The following NCOR2 variants were observed in gnomAD, a reference collection of about 807,000 sequenced individuals.
The protein encoded by NCOR2 is nuclear receptor corepressor 2, also known as CTG repeat protein 26.
A neutral mutation model predicts 262.9 loss-of-function variants in NCOR2; 81 were observed. The observed-to-expected ratio is 0.31, with a 90% confidence interval of 0.26 to 0.37. The LOEUF (loss-of-function observed/expected upper bound fraction) is 0.37, where lower values mean the gene tolerates loss of function less well. NCOR2 is among the 10% of genes least tolerant of loss of function. The pLI is 1.00. For synonymous variants in NCOR2, 1,659 were observed against 1,559.3 expected (o/e 1.06, Z -1.51); for missense variants, 3,385 against 3,621.4 (o/e 0.93, Z 1.68).
chr12:124,344,979 C>G (rs1209541039), intron 31 of NCOR2, 28 bp from the exon 34 acceptor site: 5 of 1,498,846 alleles, frequency 3.3e-6, no homozygotes, highest in Non-Finnish European at 4.5e-6. Context: ...TAAGCTCTAG[C>G]CCTGGCCACA....
intron 37 of NCOR2, 29 bp downstream of exon 39, chr12:124,339,977 G>A (rs766409228): frequency 1.6e-5 from 20 of 1,229,484 alleles, no homozygotes; most frequent in Non-Finnish European, 1.7e-5. Flanking sequence ...CCACCTGCCC[G>A]CCCCCTCCCC....
In NCOR2 at chr12:124,530,581, C is replaced by A. The variant is rs530975931; in HGVS notation, c.-118+4984G>T. Reference sequence around the variant, plus strand: ...ATCAGTCTGCTGGTTCCTAAACTGGCCCTCAAGTTTCCCAAAGTCCCCTGA... The same window carrying A: ...ATCAGTCTGCTGGTTCCTAAACTGGACCTCAAGTTTCCCAAAGTCCCCTGA... On this transcript the variant is annotated intron_variant, in intron 1 of 46. Transcript: ENST00000404621. Among the ~76,000 whole-genome samples the A allele has an allele frequency of 3.2e-4, 48 of 152,284 alleles. 1 individual carries two copies. In the South Asian group the frequency reaches 8.7e-3, roughly 28 times the overall value.
At chr12:124,384,509 G>A (rs962758364) in intron 17 of NCOR2, among the ~76,000 whole-genome samples, 2 of 152,124 alleles carry the variant, frequency 1.3e-5, no homozygotes, top group East Asian at 1.9e-4. Flanking sequence ...CCACAGGGCC[G>A]TGGGACCGTG....
chr12:124,401,295 G>A (rs1189871117), intron 14 of NCOR2, among the ~76,000 whole-genome samples: 1 of 152,178 alleles, frequency 6.6e-6, no homozygotes, highest in Non-Finnish European at 1.5e-5. Context: ...TGGACAGGTA[G>A]TTAATTGGCT....
chr12:124,357,109 C>G (rs2038013508), intron 22 of NCOR2, among the ~76,000 whole-genome samples: 1 of 152,240 alleles, frequency 6.6e-6, no homozygotes, highest in South Asian at 2.1e-4. Flanking sequence ...GGACAGGCCT[C>G]TAAGCCAGGA....
intron 1 of NCOR2, among the ~76,000 whole-genome samples, chr12:124,512,029 C>T (rs1197531474): frequency 6.6e-6 from 1 of 152,188 alleles, no homozygotes; most frequent in Non-Finnish European, 1.5e-5. Flanking sequence ...TCAATTGATC[C>T]TCCTGCCTCA....
chr12:124,558,105 A>C (rs528368339), intron 1 of NCOR2, among the ~76,000 whole-genome samples: 1 of 152,002 alleles, frequency 6.6e-6, no homozygotes, highest in East Asian at 1.9e-4. Context: ...ACTGGGGCCC[A>C]TGCTCCCTGA....
chr12:124,363,857 G>A, intron 20 of NCOR2, 58 bp from the exon 23 acceptor site: 1 of 1,297,590 alleles, frequency 7.7e-7, no homozygotes, highest in South Asian at 2.8e-5. Flanking sequence ...CCCAGGGTGG[G>A]GGGGCTGCCC....
chr12:124,350,474 T>A, intron 28 of NCOR2, 113 bp downstream of exon 30: 2 of 1,385,352 alleles, frequency 1.4e-6, no homozygotes, highest in East Asian at 4.6e-5. Context: ...GGTCACCACC[T>A]ATCAGATTGT....
In NCOR2 at chr12:124,378,188, A is replaced by G. The variant is rs774065065; in HGVS notation, c.2167+49T>C. The G allele has an allele frequency of 1.6e-5, 26 of 1,594,692 alleles. No homozygotes were observed. Among genetic ancestry groups the G allele is most frequent in the Non-Finnish European group, 1.8e-5 (21 of 1,168,868 alleles). ...CAGTTCCCGCTATGCCCTCCCTCAG[A>G]GCTCGGACCCACAGCTGCCAGCCAC... is the stretch of plus-strand genomic sequence containing the variant. On this transcript the variant is annotated intron_variant, in intron 18 of 46. Transcript: ENST00000405201. The surrounding 1 kb of genome is among the most constrained non-coding windows in gnomAD (Gnocchi z 4.2).
Position 124,517,768 on chromosome 12 carries a change from G to A in NCOR2, c.-118+17797C>T, listed in dbSNP as rs1183419420. On this transcript the variant is annotated intron_variant, in intron 1 of 46. Transcript: ENST00000404621. This position sits in a 1 kb window ranked among gnomAD's most constrained non-coding sequence, Gnocchi z 7.6. ...CCCTCCCACGCGGGCCGGCCAAGAA[G>A]CCTCACCCCGGCCTGCCCGGCCAGC... is the stretch of plus-strand genomic sequence containing the variant. 6.6e-6 allele frequency among the ~76,000 whole-genome samples: 1 copy of A among 152,202 alleles called. No individual in the cohort carries two copies. Among genetic ancestry groups the A allele is most frequent in the Non-Finnish European group, 1.5e-5 (1 of 68,026 alleles).
intron 1 of NCOR2, chr12:124,556,358 C>G (rs569884454): frequency 5.7e-4 from 87 of 152,508 alleles, no homozygotes; most frequent in Admixed American, 6.5e-4. Flanking sequence ...GAGCCCAACA[C>G]TCAACACATC....
rs565816735 is a variant in NCOR2 at position 124,544,512 on chromosome 12, C to T, written c.-164-8901G>A. ...AAGAGATGGTGAAAGAGATTTGTCA[C>T]GAGGGCCTGGGGATATTCAGGGTGG... On this transcript the variant is annotated intron_variant, in intron 1 of 32. Coordinates refer to the NCOR2 transcript ENST00000458234. 6.6e-4 allele frequency among the ~76,000 whole-genome samples: 100 copies of T among 152,298 alleles called. No individual in the cohort carries two copies. In the South Asian group the frequency reaches 0.014, roughly 21 times the overall value.
exon 33 of NCOR2, chr12:124,343,026 G>C (rs765320802): frequency 1.2e-6 from 2 of 1,611,324 alleles, no homozygotes; most frequent in African/African-American, 1.3e-5. Flanking sequence ...GGGATGCCGC[G>C]GGGTATGGAG....
At chr12:124,544,307 G>A (rs1255900517) in intron 1 of NCOR2, among the ~76,000 whole-genome samples, 1 of 152,220 alleles carries the variant, frequency 6.6e-6, no homozygotes, top group African/African-American at 2.4e-5. Context: ...GTCAGCTGCT[G>A]GCTTCTCCCA....
intron 1 of NCOR2, 93 bp downstream of exon 2, chr12:124,535,472 T>C (rs1311324002): frequency 6.6e-6 from 1 of 152,264 alleles, no homozygotes; most frequent in Admixed American, 6.5e-5. Flanking sequence ...AGGCCGAACC[T>C]GGCTCCGAGT....
intron 37 of NCOR2, chr12:124,337,403 GC>G (rs2135790857): frequency 1.4e-6 from 1 of 708,166 alleles, no homozygotes; most frequent in East Asian, 2.7e-5. Context: ...TTCTGATTAA[GC>G]AGCTACTAGG....
chr12:124,550,679 A>T (rs2051687193), intron 1 of NCOR2, among the ~76,000 whole-genome samples: 1 of 152,192 alleles, frequency 6.6e-6, no homozygotes, highest in South Asian at 2.1e-4. Flanking sequence ...CAAAAACCAA[A>T]AACAGTCTTT....
chr12:124,325,392 C>CCCCCCCG, exon 47 of NCOR2: 10 of 1,152,246 alleles, frequency 8.7e-6, no homozygotes, highest in Non-Finnish European at 1.1e-5. Context: ...CCCCCCCGCC[C>CCCCCCCG]TGTTCTGAGT....
Sources: allele counts gnomAD v4.1 joint callset (sites outside exome capture counted in the v4.1 genomes callset), GRCh38; gene constraint gnomAD v4.1.1; non-coding constraint Gnocchi (gnomAD v3.1); transcripts MANE v1.5; gene names NCBI Gene and HGNC (gene_info 2026-07-23, HGNC 2026-07-21).